MPPED2: variants seen among roughly 807,000 people sequenced by gnomAD.
MPPED2 encodes the protein metallophosphoesterase MPPED2.
MPPED2 carries 5 observed loss-of-function variants against 33.0 expected under a neutral mutation model. The ratio of observed to expected loss-of-function variants is 0.15; its 90% CI spans 0.08 to 0.32. MPPED2 has a LOEUF of 0.32. Ranked by LOEUF, MPPED2 falls within the 10% of genes least tolerant of loss-of-function variation. The pLI is 1.00. For synonymous variants in MPPED2, 136 were observed against 141.9 expected, an observed-to-expected ratio of 0.96 and a Z score of 0.29; for missense variants, 275 against 372.1, an observed-to-expected ratio of 0.74 and a Z score of 2.15.
upstream of MPPED2, among the ~76,000 whole-genome samples, chr11:30,586,567 C>T (rs1957476644): frequency 6.6e-6 from 1 of 152,118 alleles, no homozygotes; most frequent in Non-Finnish European, 1.5e-5. The surrounding 1 kb of genome is among the most constrained non-coding windows in gnomAD (Gnocchi z 4.8). Context: ...CTGGTGCTCC[C>T]GGGTCAAGCA....
In MPPED2 at chr11:30,498,357, G is replaced by A. The variant is rs1952388571; in HGVS notation, c.311-2836C>T. On this transcript the variant is annotated intron_variant, in intron 3 of 6. Coordinates refer to ENST00000358117, the MANE Select transcript of MPPED2 (RefSeq NM_001584.3). ...CCCAGCACTTTGGGAGGTCAAGACA[G>A]GCAGATCACCTGAGGTCAGGAGTTT... Among the ~76,000 whole-genome samples the A allele has an allele frequency of 2.0e-5, 3 of 152,224 alleles. No individual in the cohort carries two copies. In the South Asian group the frequency reaches 6.2e-4, roughly 32 times the overall value.
rs1948078710 is a variant in MPPED2, at chr11:30,410,937, G to A, written c.*531C>T. On this transcript the variant is annotated 3_prime_UTR_variant, in exon 7 of 7. Transcript: ENST00000358117. ...CAATGCAGCTTTCTTTATAGTGAGA[G>A]TATGAAAAGAAGTCTTTTCCATGCC... The A allele has an allele frequency of 1.0e-6, 1 of 985,730 alleles. No individual in the cohort carries two copies. The highest frequency in any genetic ancestry group is 1.2e-6 in the Non-Finnish European group (1 of 829,952). The allele number at this position is 985,730 out of a possible 1,614,324, so 61.1% of individuals were successfully genotyped here. A position where few individuals can be genotyped will look rare whatever the true frequency, so the allele number is the denominator to read the frequency against.
intron 3 of MPPED2, among the ~76,000 whole-genome samples, chr11:30,528,283 T>G (rs1187962294): frequency 6.6e-6 from 1 of 151,948 alleles, no homozygotes; most frequent in African/African-American, 2.4e-5. Context: ...TCAGACGGAG[T>G]CTCGCTCTGT....
intron 4 of MPPED2, among the ~76,000 whole-genome samples, chr11:30,469,158 A>G (rs1360207011): frequency 6.6e-6 from 1 of 152,232 alleles, no homozygotes; most frequent in Non-Finnish European, 1.5e-5. Flanking sequence ...TAAATATACA[A>G]TAGCAGGCCC....
At chr11:30,424,679 C>T (rs7927979) in intron 4 of MPPED2, among the ~76,000 whole-genome samples, 31,513 of 151,990 alleles carry the variant, frequency 0.21, 4,944 homozygotes, top group African/African-American at 0.44. Flanking sequence ...CCCTCCCCTC[C>T]CTGCCTCGTT....
intron 2 of MPPED2, among the ~76,000 whole-genome samples, chr11:30,564,437 T>C (rs1956357699): frequency 6.6e-6 from 1 of 152,192 alleles, no homozygotes; most frequent in Non-Finnish European, 1.5e-5. Flanking sequence ...GATTTAACCT[T>C]TGCAATGGCC....
intron 4 of MPPED2, among the ~76,000 whole-genome samples, chr11:30,483,702 A>G (rs1425389954): frequency 1.3e-5 from 2 of 152,198 alleles, no homozygotes; most frequent in African/African-American, 4.8e-5. Context: ...AATCATTAAG[A>G]CAATAAAACA....
chr11:30,434,300 G>T (rs533910886), intron 4 of MPPED2, among the ~76,000 whole-genome samples: 1 of 152,098 alleles, frequency 6.6e-6, no homozygotes, highest in African/African-American at 2.4e-5. Context: ...TCCAGAATTC[G>T]CAGGGGAAGG....
intron 2 of MPPED2, among the ~76,000 whole-genome samples, chr11:30,564,197 C>A (rs1314407914): frequency 6.6e-6 from 1 of 152,038 alleles, no homozygotes; most frequent in Non-Finnish European, 1.5e-5. Context: ...TCTAATTGAC[C>A]CCAAGGTAAT....
intron 1 of MPPED2, chr11:30,584,136 G>T (rs1957327896): frequency 6.6e-6 from 1 of 152,010 alleles, no homozygotes; most frequent in Non-Finnish European, 1.5e-5. Context: ...ACCTGAACTT[G>T]TCTCCAGCAC....
intron 2 of MPPED2, among the ~76,000 whole-genome samples, chr11:30,537,797 A>G (rs745760922): frequency 1.2e-4 from 18 of 152,208 alleles, no homozygotes; most frequent in Non-Finnish European, 2.2e-4. Flanking sequence ...TTAGAAATTA[A>G]TATGCTGTTA....
chr11:30,551,131 T>C (rs994817484), intron 2 of MPPED2, among the ~76,000 whole-genome samples: 5 of 152,034 alleles, frequency 3.3e-5, no homozygotes, highest in Non-Finnish European at 7.4e-5. Flanking sequence ...TGGCCAATGT[T>C]AGCAGCAGAA....
At chr11:30,458,135 G>A (rs504784) in intron 4 of MPPED2, among the ~76,000 whole-genome samples, 31,589 of 152,168 alleles carry the variant, frequency 0.21, 4,089 homozygotes, top group Non-Finnish European at 0.3. Flanking sequence ...CGTGCCTAAT[G>A]AGAGATTAAG....
chr11:30,394,569 C>A (rs1197797994), intron 6 of MPPED2, among the ~76,000 whole-genome samples: 2 of 152,068 alleles, frequency 1.3e-5, no homozygotes, highest in African/African-American at 2.4e-5. Context: ...TCCACAGATC[C>A]TCTTTGGTTA....
intron 3 of MPPED2, among the ~76,000 whole-genome samples, chr11:30,507,777 C>G (rs1342600937): frequency 6.6e-6 from 1 of 152,148 alleles, no homozygotes; most frequent in Non-Finnish European, 1.5e-5. Flanking sequence ...CACTGGAACA[C>G]ATTTCCAATA....
At chr11:30,544,963 GAGAACTATTA>G (rs1165405309) in intron 2 of MPPED2, among the ~76,000 whole-genome samples, 1 of 152,220 alleles carries the variant, frequency 6.6e-6, no homozygotes, top group East Asian at 1.9e-4. Context: ...AGGCCATCTA[GAGAACTATTA>G]AGAGTGGTGT....
intron 4 of MPPED2, among the ~76,000 whole-genome samples, chr11:30,442,270 G>T (rs1270993984): frequency 6.6e-6 from 1 of 152,056 alleles, no homozygotes; most frequent in African/African-American, 2.4e-5. Flanking sequence ...GAGAAATAGA[G>T]CCCAACTAAT....
intron 2 of MPPED2, among the ~76,000 whole-genome samples, chr11:30,572,356 TA>T (rs1313070570): frequency 1.3e-5 from 2 of 152,124 alleles, no homozygotes; most frequent in Non-Finnish European, 2.9e-5. Context: ...AAGTCAGCTC[TA>T]AAATGAAGTC....
At chr11:30,394,279 G>A (rs1327974230) in intron 6 of MPPED2, among the ~76,000 whole-genome samples, 3 of 152,104 alleles carry the variant, frequency 2.0e-5, no homozygotes, top group African/African-American at 7.2e-5. Context: ...TCTCTCTAGG[G>A]TAAATATTCA....
Sources: gnomAD v4.1 joint callset for allele counts (sites outside exome capture counted in the v4.1 genomes callset) on GRCh38, gnomAD v4.1.1 for gene constraint, Gnocchi (gnomAD v3.1) non-coding constraint, MANE v1.5 for transcripts, NCBI Gene and HGNC (gene_info 2026-07-23, HGNC 2026-07-21) for gene names.